NEB: variants seen among roughly 807,000 people sequenced by gnomAD.
NEB encodes nebulin.
In NEB, 512 loss-of-function variants were observed where a neutral mutation model predicts 952.2. The observed-to-expected ratio is 0.54, with a 90% CI of 0.50 to 0.58. The LOEUF (loss-of-function observed/expected upper bound fraction) is 0.58, where lower values mean the gene tolerates loss of function less well. NEB is among the 20% of genes least tolerant of loss of function. NEB has a pLI of 0.00. For missense variants in NEB, 8,428 were observed against 9,231.1 expected, an observed-to-expected ratio of 0.91 and a Z score of 3.56; for synonymous variants, 2,900 against 3,149.8, an observed-to-expected ratio of 0.92 and a Z score of 2.66.
intron 143 of NEB, 162 bp from the exon 144 acceptor site, chr2:151,532,058 GA>G: frequency 1.7e-6 from 1 of 585,668 alleles, no homozygotes; most frequent in Non-Finnish European, 3.0e-6. Context: ...TAGCAAAAGT[GA>G]AATGGAGTGA....
Position 151,643,337 on chromosome 2 carries a change from T to C in NEB, c.7973A>G (p.Asp2658Gly). The change falls in exon 58 of 182, where the codon GAC becomes GGC. Residue 2658 changes from aspartate to glycine, a missense_variant. By Grantham distance (94) the Asp-to-Gly change is moderately conservative. This residue lies in a region of NEB where 1,772 missense variants were observed against 1,960.3 expected (regional missense o/e 0.90). Coordinates refer to ENST00000397345, the MANE Select transcript of NEB (RefSeq NM_001164508.2). The stretch of plus-strand genomic sequence containing the variant: ...GCCAATGCCTTTTAGCCACTGAAGG[T>C]CTGACTTGTACAAATTCTGAAAGTG... ...DLQSDNLYKS[D>G]LQWLKGIGWM... 1 of 1,612,656 alleles carries C rather than the reference T, an allele frequency of 6.2e-7. No individual in the cohort carries two copies. The highest frequency in any genetic ancestry group is 8.5e-7 in the Non-Finnish European group (1 of 1,179,068).
At chr2:151,538,470 T>C (rs2093566450) in intron 138 of NEB, among the ~76,000 whole-genome samples, 1 of 152,164 alleles carries the variant, frequency 6.6e-6, no homozygotes, top group African/African-American at 2.4e-5. Flanking sequence ...TCAATCTTGG[T>C]TCACTGATCA....
intron 71 of NEB, among the ~76,000 whole-genome samples, chr2:151,621,544 C>T (rs917240769): frequency 5.9e-5 from 9 of 152,118 alleles, no homozygotes; most frequent in Admixed American, 2.6e-4. Flanking sequence ...GCAAGTTGTT[C>T]GAGGACATGA....
At chr2:151,652,604 T>A (rs1056369625) in intron 52 of NEB, among the ~76,000 whole-genome samples, 1 of 152,188 alleles carries the variant, frequency 6.6e-6, no homozygotes, top group African/African-American at 2.4e-5. Context: ...GAGATTAGAT[T>A]AAATGTCCTT....
chr2:151,608,929 A>AT, intron 81 of NEB, among the ~76,000 whole-genome samples: 1 of 130,474 alleles, frequency 7.7e-6, no homozygotes, highest in African/African-American at 2.5e-5. Context: ...AAAAAAAAAA[A>AT]AAAAGTTAAA....
chr2:151,662,827 T>C (rs1029867653), intron 45 of NEB, among the ~76,000 whole-genome samples: 1 of 152,198 alleles, frequency 6.6e-6, no homozygotes, highest in African/African-American at 2.4e-5. Flanking sequence ...CCTGGTACTT[T>C]GTGTAAATTT....
At chr2:151,611,473 C>A (rs1178702756) in intron 78 of NEB, among the ~76,000 whole-genome samples, 1 of 152,164 alleles carries the variant, frequency 6.6e-6, no homozygotes, top group Non-Finnish European at 1.5e-5. Flanking sequence ...ATACCCCAGA[C>A]TCTGGAGTTT....
chr2:151,695,773 A>T, intron 17 of NEB, 91 bp from the exon 18 acceptor site: 1 of 934,674 alleles, frequency 1.1e-6, no homozygotes, highest in Non-Finnish European at 1.7e-6. Flanking sequence ...TAGTGACAGC[A>T]TTATTGAGAT....
intron 10 of NEB, among the ~76,000 whole-genome samples, chr2:151,714,069 G>A (rs1272237869): frequency 6.6e-6 from 1 of 152,014 alleles, no homozygotes; most frequent in Non-Finnish European, 1.5e-5. Context: ...ATAAAGACCA[G>A]ACAGACCCAC....
intron 65 of NEB, among the ~76,000 whole-genome samples, chr2:151,633,220 C>A (rs1023766413): frequency 6.6e-6 from 1 of 152,160 alleles, no homozygotes; most frequent in African/African-American, 2.4e-5. Context: ...GTGAAACAGT[C>A]CAGTAGTGTA....
chr2:151,630,947 G>T, intron 66 of NEB, 128 bp from the exon 67 acceptor site: 8 of 1,130,678 alleles, frequency 7.1e-6, no homozygotes, highest in Non-Finnish European at 9.9e-6. Context: ...GTATTCTACT[G>T]GAAGTGTGAG....
Position 151,733,179 on chromosome 2 carries a change from C to G in NEB, c.-23G>C. On this transcript the variant is annotated 5_prime_UTR_variant, in exon 3 of 182. Transcript: ENST00000397345. ...CATTTTTCCAGAGTAGTAGTGGCACCTACAAACTTTTCATATTCCATACAA... is the reference window on the plus strand; with the variant it reads ...CATTTTTCCAGAGTAGTAGTGGCACGTACAAACTTTTCATATTCCATACAA... 1 of 1,598,072 alleles carries G rather than the reference C, an allele frequency of 6.3e-7. No individual in the cohort carries two copies. Among genetic ancestry groups the G allele is most frequent in the Non-Finnish European group, 8.5e-7 (1 of 1,172,050 alleles).
At position 151,572,248 on chromosome 2, in the gene NEB, G is replaced by C. The variant is rs542610724; in HGVS notation, c.17014-1647C>G. Among the ~76,000 whole-genome samples the C allele has an allele frequency of 2.0e-5, 3 of 152,024 alleles. No individual in the cohort carries two copies. In the South Asian group the frequency reaches 6.2e-4, roughly 32 times the overall value. ...GAGGCAGGAGCATCGCTTGAACCCG[G>C]GAGGCAGAAGTTTCAGCAAGCTGAG... On this transcript the variant is annotated intron_variant, in intron 107 of 181. Coordinates refer to ENST00000397345, the MANE Select transcript of NEB (RefSeq NM_001164508.2).
chr2:151,635,707 CAA>C (rs1292764660), intron 64 of NEB, among the ~76,000 whole-genome samples: 22 of 86,002 alleles, frequency 2.6e-4, no homozygotes, highest in Admixed American at 3.7e-4. Flanking sequence ...ACTCTGTCTC[CAA>C]AAAAAAAAAA....
At chr2:151,497,589 T>G in intron 171 of NEB, 37 bp downstream of exon 171, 1 of 1,542,490 alleles carries the variant, frequency 6.5e-7, no homozygotes, top group Non-Finnish European at 8.8e-7. Context: ...TTCAAAATCA[T>G]TAAATAAGTA....
At chr2:151,711,007 T>C (rs994027740) in intron 10 of NEB, among the ~76,000 whole-genome samples, 1 of 152,154 alleles carries the variant, frequency 6.6e-6, no homozygotes, top group Non-Finnish European at 1.5e-5. Context: ...GATCTTCGCC[T>C]TTAGAGTTAA....
intron 101 of NEB, among the ~76,000 whole-genome samples, chr2:151,583,209 C>T (rs987890862): frequency 1.6e-5 from 2 of 121,242 alleles, no homozygotes; most frequent in African/African-American, 5.3e-5. Context: ...GCAGCTGCAA[C>T]TGAAATTTTC....
In NEB at chr2:151,554,587, T is replaced by C. The variant is rs140046334; in HGVS notation, c.19428+344A>G. On this transcript the variant is annotated intron_variant, in intron 125 of 181. Transcript: ENST00000397345. Reference sequence around the variant, plus strand: ...AAGAAAAGAAAAGAAATGTTCCTATTAATAATACATGGCTATTTTACTTGA... The same window carrying C: ...AAGAAAAGAAAAGAAATGTTCCTATCAATAATACATGGCTATTTTACTTGA... 3.9e-5 allele frequency among the ~76,000 whole-genome samples: 6 copies of C among 152,270 alleles called. No homozygotes were observed. The East Asian group carries it at 1.2e-3, about 29-fold the overall frequency.
intron 10 of NEB, among the ~76,000 whole-genome samples, chr2:151,716,998 C>A (rs2099760953): frequency 6.6e-6 from 1 of 152,196 alleles, no homozygotes; most frequent in African/African-American, 2.4e-5. Context: ...GTTAACTAAG[C>A]TATGTCTGAG....
Sources: allele counts gnomAD v4.1 joint callset (sites outside exome capture counted in the v4.1 genomes callset), GRCh38; gene constraint gnomAD v4.1.1; regional missense constraint gnomAD v4.1.1; transcripts MANE v1.5; gene names NCBI Gene and HGNC (gene_info 2026-07-23, HGNC 2026-07-21).